The following SGCZ variants were observed in gnomAD, a reference collection of about 807,000 sequenced individuals.
SGCZ encodes the protein sarcoglycan zeta.
A neutral mutation model predicts 41.3 loss-of-function variants in SGCZ; 40 were observed. The observed-to-expected ratio is 0.97, with a 90% CI of 0.75 to 1.26. The LOEUF is 1.26. Ranked by LOEUF, SGCZ falls within the 50% of genes most tolerant of loss-of-function variation. The pLI is 0.00. For missense variants in SGCZ, 552 were observed against 369.8 expected (o/e 1.49, Z -4.04); for synonymous variants, 206 against 137.5 (o/e 1.50, Z -3.49).
At chr8:14,276,410 A>T (rs1800235244) in intron 3 of SGCZ, among the ~76,000 whole-genome samples, 1 of 152,140 alleles carries the variant, frequency 6.6e-6, no homozygotes, top group Non-Finnish European at 1.5e-5. Flanking sequence ...TCATTGCATG[A>T]CTGAAGCGAT....
intron 3 of SGCZ, among the ~76,000 whole-genome samples, chr8:14,305,119 A>C (rs183654357): frequency 1.3e-5 from 2 of 152,172 alleles, no homozygotes; most frequent in Non-Finnish European, 2.9e-5. Flanking sequence ...GATTTAGTAC[A>C]TATCTTATTT....
chr8:14,342,469 T>G (rs1802744325), intron 2 of SGCZ, among the ~76,000 whole-genome samples: 1 of 151,990 alleles, frequency 6.6e-6, no homozygotes, highest in South Asian at 2.1e-4. Flanking sequence ...GTGCCCGCCA[T>G]CACGCCCGGC....
intron 2 of SGCZ, among the ~76,000 whole-genome samples, chr8:14,364,234 T>C (rs1803623533): frequency 6.6e-6 from 1 of 152,194 alleles, no homozygotes; most frequent in Admixed American, 6.5e-5. Context: ...GTTATGTAGA[T>C]ATTGTGAAAA....
At chr8:14,378,070 G>A (rs1165080659) in intron 2 of SGCZ, among the ~76,000 whole-genome samples, 1 of 150,014 alleles carries the variant, frequency 6.7e-6, no homozygotes, top group Non-Finnish European at 1.5e-5. Context: ...GGGTCAAATA[G>A]TATTTCTAGT....
intron 1 of SGCZ, among the ~76,000 whole-genome samples, chr8:14,975,790 TA>T (rs1801449422): frequency 4.3e-5 from 3 of 69,250 alleles, no homozygotes; most frequent in African/African-American, 6.5e-5. Flanking sequence ...TTTCCACTTT[TA>T]TATATATATA....
At chr8:14,622,237 G>A (rs992167701) in intron 1 of SGCZ, among the ~76,000 whole-genome samples, 3 of 152,160 alleles carry the variant, frequency 2.0e-5, no homozygotes, top group Non-Finnish European at 4.4e-5. Context: ...TAAACAGAAT[G>A]TATCAAGGAG....
intron 2 of SGCZ, among the ~76,000 whole-genome samples, chr8:14,331,552 T>G (rs12545298): frequency 0.2 from 30,876 of 152,100 alleles, 3,884 homozygotes; most frequent in Non-Finnish European, 0.29. Context: ...TATCAGGAAA[T>G]AAACTCTATA....
intron 1 of SGCZ, among the ~76,000 whole-genome samples, chr8:15,164,786 A>G (rs1446413491): frequency 6.6e-6 from 1 of 151,974 alleles, no homozygotes; most frequent in Non-Finnish European, 1.5e-5. Context: ...GCATGTCTGT[A>G]TGGTTAGTGC....
chr8:14,314,872 C>G (rs1273026176), intron 3 of SGCZ, among the ~76,000 whole-genome samples: 1 of 152,090 alleles, frequency 6.6e-6, no homozygotes. Flanking sequence ...TGTCTCTTAA[C>G]CAGCAGGATG....
chr8:14,329,970 T>C (rs541781723), intron 2 of SGCZ, among the ~76,000 whole-genome samples: 9 of 152,160 alleles, frequency 5.9e-5, no homozygotes, highest in Non-Finnish European at 1.2e-4. Flanking sequence ...TCTTGATCCA[T>C]GCATTCTAGC....
At chr8:15,129,537 T>A (rs1049815697) in intron 1 of SGCZ, among the ~76,000 whole-genome samples, 1 of 152,034 alleles carries the variant, frequency 6.6e-6, no homozygotes, top group Non-Finnish European at 1.5e-5. Context: ...TTTAAGAAAT[T>A]TGTCAGAAAC....
At chr8:14,472,042 A>G (rs1801227125) in intron 2 of SGCZ, among the ~76,000 whole-genome samples, 1 of 152,086 alleles carries the variant, frequency 6.6e-6, no homozygotes, top group Non-Finnish European at 1.5e-5. Context: ...CTGTATCTGT[A>G]AGACTGTTCC....
chr8:14,350,926 C>G (rs528759157), intron 2 of SGCZ, among the ~76,000 whole-genome samples: 2 of 152,242 alleles, frequency 1.3e-5, no homozygotes, highest in South Asian at 4.1e-4. Flanking sequence ...AATATATTCA[C>G]TGCTAATATT....
At chr8:14,591,896 G>C (rs545414832) in intron 1 of SGCZ, among the ~76,000 whole-genome samples, 1 of 152,198 alleles carries the variant, frequency 6.6e-6, no homozygotes, top group African/African-American at 2.4e-5. Context: ...CATACAATTA[G>C]ATTACTACAG....
At chr8:14,663,990 TCAGA>T (rs1363919001) in intron 1 of SGCZ, among the ~76,000 whole-genome samples, 1 of 152,106 alleles carries the variant, frequency 6.6e-6, no homozygotes, top group Non-Finnish European at 1.5e-5. Context: ...TTCTACTGTG[TCAGA>T]CAGAGCAAGA....
At chr8:14,619,442 C>A (rs1183883198) in intron 1 of SGCZ, among the ~76,000 whole-genome samples, 5 of 143,040 alleles carry the variant, frequency 3.5e-5, no homozygotes, top group South Asian at 2.2e-4. Flanking sequence ...CTGGCCAGGG[C>A]AATCAGGCAG....
At chr8:14,152,738 T>C (rs535035981) in intron 5 of SGCZ, among the ~76,000 whole-genome samples, 3 of 152,310 alleles carry the variant, frequency 2.0e-5, no homozygotes, top group African/African-American at 7.2e-5. Flanking sequence ...GGGTTCATAG[T>C]AGCATTGGTC....
At chr8:14,674,656 G>A (rs868265358) in intron 1 of SGCZ, among the ~76,000 whole-genome samples, 1 of 152,082 alleles carries the variant, frequency 6.6e-6, no homozygotes, top group South Asian at 2.1e-4. Flanking sequence ...CTGGTGGGAG[G>A]TGATTGTGGA....
chr8:14,826,369 T>C (rs971514522), intron 1 of SGCZ, among the ~76,000 whole-genome samples: 4 of 152,174 alleles, frequency 2.6e-5, no homozygotes, highest in African/African-American at 4.8e-5. Context: ...GTCTTTGCTA[T>C]TGTGAATAGT....
Sources: gnomAD v4.1 joint callset for allele counts (sites outside exome capture counted in the v4.1 genomes callset) on GRCh38, gnomAD v4.1.1 for gene constraint, MANE v1.5 for transcripts, NCBI Gene and HGNC (gene_info 2026-07-23, HGNC 2026-07-21) for gene names.